PEX5L: variants seen among roughly 807,000 people sequenced by gnomAD.
PEX5L encodes the protein PEX5-related protein.
In PEX5L, 30 loss-of-function variants were observed where a neutral mutation model predicts 84.0. The ratio of observed to expected loss-of-function variants is 0.36; its 90% CI spans 0.27 to 0.48. The LOEUF is 0.48. Ranked by LOEUF, PEX5L falls within the 20% of genes least tolerant of loss-of-function variation. PEX5L has a pLI of 0.99. For synonymous variants in PEX5L, 270 were observed against 283.1 expected (o/e 0.95, Z 0.46); for missense variants, 533 against 754.6 (o/e 0.71, Z 3.44).
intron 4 of PEX5L, chr3:179,880,770 T>C (rs767133785): frequency 1.3e-5 from 2 of 152,220 alleles, no homozygotes; most frequent in African/African-American, 2.4e-5. Flanking sequence ...AGCAGGTTGA[T>C]TACATTGCAT....
chr3:179,914,965 T>C (rs1007418533), intron 2 of PEX5L, among the ~76,000 whole-genome samples: 2 of 152,168 alleles, frequency 1.3e-5, no homozygotes, highest in Admixed American at 6.5e-5. Context: ...AAAAATCCTC[T>C]ACATTATCTA....
intron 1 of PEX5L, among the ~76,000 whole-genome samples, chr3:179,992,252 T>C (rs1028457170): frequency 6.6e-6 from 1 of 152,220 alleles, no homozygotes; most frequent in East Asian, 1.9e-4. Flanking sequence ...GGTATATTAT[T>C]TAATTTTGAA....
At chr3:179,855,624 C>T (rs532801073) in intron 8 of PEX5L, among the ~76,000 whole-genome samples, 15 of 152,250 alleles carry the variant, frequency 9.9e-5, no homozygotes, top group Non-Finnish European at 1.8e-4. Context: ...CCCTCAAATT[C>T]GTATGTTGAA....
chr3:180,032,020 G>C (rs1034296869), intron 1 of PEX5L, among the ~76,000 whole-genome samples: 4 of 152,022 alleles, frequency 2.6e-5, no homozygotes, highest in African/African-American at 4.8e-5. Flanking sequence ...ATAAACTATT[G>C]GCCAGTATGG....
intron 2 of PEX5L, among the ~76,000 whole-genome samples, chr3:179,961,280 T>C (rs1324605519): frequency 1.3e-5 from 2 of 150,514 alleles, no homozygotes; most frequent in Non-Finnish European, 3.0e-5. Context: ...CAACTGGGGG[T>C]AAACCATGTG....
chr3:179,880,152 G>A (rs1212679058), intron 4 of PEX5L, 29 bp from the exon 5 acceptor site: 7 of 1,365,960 alleles, frequency 5.1e-6, no homozygotes, highest in Non-Finnish European at 7.1e-6. Context: ...GTTAAGATAA[G>A]CCCATTTACT....
intron 2 of PEX5L, among the ~76,000 whole-genome samples, chr3:179,939,779 G>A: frequency 6.6e-6 from 1 of 152,312 alleles, no homozygotes; most frequent in East Asian, 1.9e-4. Flanking sequence ...GAGCAGACAG[G>A]TGTGAATAGC....
chr3:179,922,540 C>T (rs1252029916), intron 2 of PEX5L, among the ~76,000 whole-genome samples: 1 of 151,598 alleles, frequency 6.6e-6, no homozygotes, highest in African/African-American at 2.4e-5. Context: ...CCTCTGCCTC[C>T]TGAGTTCAAG....
intron 14 of PEX5L, among the ~76,000 whole-genome samples, chr3:179,806,270 G>A (rs1721278334): frequency 6.6e-6 from 1 of 152,150 alleles, no homozygotes; most frequent in Non-Finnish European, 1.5e-5. Flanking sequence ...ATAGACATCC[G>A]CAGGGCTTGG....
chr3:179,811,268 T>G (rs1369323605), intron 11 of PEX5L, among the ~76,000 whole-genome samples: 1 of 152,100 alleles, frequency 6.6e-6, no homozygotes, highest in East Asian at 1.9e-4. Flanking sequence ...CGCACACATA[T>G]ATATTCTCTT....
chr3:179,993,807 C>T (rs956439194), intron 1 of PEX5L, among the ~76,000 whole-genome samples: 1 of 152,072 alleles, frequency 6.6e-6, no homozygotes, highest in Non-Finnish European at 1.5e-5. Context: ...CCGGCTTTCC[C>T]ATATACTTTA....
At chr3:179,965,259 A>G (rs1454798572) in intron 2 of PEX5L, among the ~76,000 whole-genome samples, 1 of 152,210 alleles carries the variant, frequency 6.6e-6, no homozygotes, top group African/African-American at 2.4e-5. Flanking sequence ...TTCAGGAGGC[A>G]CGAGTTACAG....
chr3:180,033,490 C>T (rs1243548778), intron 1 of PEX5L, among the ~76,000 whole-genome samples: 1 of 151,914 alleles, frequency 6.6e-6, no homozygotes, highest in Non-Finnish European at 1.5e-5. Context: ...TTTATACCAC[C>T]CCAGAAATAA....
In PEX5L at chr3:179,971,680, A is replaced by C; in HGVS notation, c.22-15T>G. On this transcript the variant is annotated splice_polypyrimidine_tract_variant and intron_variant, in intron 1 of 14. Coordinates refer to ENST00000467460, the MANE Select transcript of PEX5L (RefSeq NM_016559.3). ...TCTTTACTTTTCTTGTGAAAGAATA[A>C]TTTTAAATGATCATTTAGTTTCTAT... The C allele has an allele frequency of 6.3e-7, 1 of 1,585,160 alleles. No individual in the cohort carries two copies. The highest frequency in any genetic ancestry group is 8.6e-7 in the Non-Finnish European group (1 of 1,163,838).
At position 179,898,232 on chromosome 3, in the gene PEX5L, C is replaced by T; in HGVS notation, c.108G>A (p.Arg36=). The T allele has an allele frequency of 2.5e-6, 4 of 1,612,646 alleles. No homozygotes were observed. Among genetic ancestry groups the T allele is most frequent in the Non-Finnish European group, 3.4e-6 (4 of 1,178,840 alleles). Residue 36 remains arginine, a synonymous_variant, in exon 3 of 15, where the codon AGG becomes AGA. Transcript: ENST00000467460. ...CCATGGCAACAGCCTTATCTGCCGC[C>T]CTAGAGCCTTTTCCCTATAACAGTG... ...IVDQKQGKGS[R]AADKAVAMVM...
intron 2 of PEX5L, among the ~76,000 whole-genome samples, chr3:179,944,178 T>C (rs765236020): frequency 6.6e-6 from 1 of 152,208 alleles, no homozygotes; most frequent in Non-Finnish European, 1.5e-5. Flanking sequence ...TCAGAAATTT[T>C]AGAAATTTTG....
In PEX5L at chr3:179,797,628, A is replaced by C. The variant is rs896081804; in HGVS notation, c.*4200T>G. ...AAAATATATATATATATATATATAT[A>C]TATCTACTTCTTAGTTCAAAACAGT... On this transcript the variant is annotated 3_prime_UTR_variant, in exon 15 of 15. Transcript: ENST00000467460. The C allele has an allele frequency of 8.8e-4, 128 of 144,668 alleles. No homozygotes were observed. The highest frequency in any genetic ancestry group is 3.2e-3 in the African/African-American group (125 of 39,608). The allele number at this position is 144,668 out of a possible 1,614,324, so 9.0% of individuals were successfully genotyped here.
intron 1 of PEX5L, among the ~76,000 whole-genome samples, chr3:180,012,395 A>G (rs1439216585): frequency 6.6e-6 from 1 of 152,202 alleles, no homozygotes; most frequent in Non-Finnish European, 1.5e-5. Flanking sequence ...TTTATGGGAA[A>G]GAGGCAAATA....
chr3:179,903,594 G>T (rs1219985032), intron 2 of PEX5L, among the ~76,000 whole-genome samples: 1 of 152,054 alleles, frequency 6.6e-6, no homozygotes, highest in African/African-American at 2.4e-5. Context: ...CAAAAAACTA[G>T]CCACCAAAAG....
Sources: allele counts gnomAD v4.1 joint callset (sites outside exome capture counted in the v4.1 genomes callset), GRCh38; gene constraint gnomAD v4.1.1; transcripts MANE v1.5; gene names NCBI Gene and HGNC (gene_info 2026-07-23, HGNC 2026-07-21).